The following EBPL variants were observed in gnomAD, a reference collection of about 807,000 sequenced individuals.
EBPL encodes the protein EBP like, also known as emopamil-binding protein-like.
EBPL carries 20 observed loss-of-function variants against 19.0 expected under a neutral mutation model. The observed-to-expected ratio is 1.05, with a 90% CI of 0.74 to 1.53. EBPL has a LOEUF of 1.53. EBPL is among the 40% of genes most tolerant of loss of function. The pLI is 0.00. For synonymous variants in EBPL, 107 were observed against 117.0 expected, an observed-to-expected ratio of 0.91 and a Z score of 0.55; for missense variants, 219 against 261.1, an observed-to-expected ratio of 0.84 and a Z score of 1.11.
intron 1 of EBPL, among the ~76,000 whole-genome samples, chr13:49,683,542 CAAACA>C (rs200020389): frequency 0.028 from 3,135 of 111,272 alleles, 45 homozygotes; most frequent in South Asian, 0.036. Flanking sequence ...AACAAACAAA[CAAACA>C]AAAAAAACAA....
intron 2 of EBPL, among the ~76,000 whole-genome samples, chr13:49,666,275 C>G (rs1965226135): frequency 6.6e-6 from 1 of 152,190 alleles, no homozygotes; most frequent in South Asian, 2.1e-4. Context: ...CATTTGTCCC[C>G]TCCAAATCTG....
At chr13:49,663,830 CAGG>C (rs1372427099) in intron 2 of EBPL, among the ~76,000 whole-genome samples, 1 of 151,550 alleles carries the variant, frequency 6.6e-6, no homozygotes, top group African/African-American at 2.4e-5. Flanking sequence ...CCAGCTGAGG[CAGG>C]AGAATGGCAT....
At chr13:49,688,625 A>G (rs896793656) in intron 1 of EBPL, among the ~76,000 whole-genome samples, 1 of 149,960 alleles carries the variant, frequency 6.7e-6, no homozygotes, top group Non-Finnish European at 1.5e-5. Context: ...AGGCTGAGGC[A>G]GGAGAATGGC....
chr13:49,673,492 C>A (rs1169449600), intron 1 of EBPL, among the ~76,000 whole-genome samples: 1 of 152,180 alleles, frequency 6.6e-6, no homozygotes, highest in Non-Finnish European at 1.5e-5. Flanking sequence ...GGCAGGAGTG[C>A]AGTGGCTCGA....
chr13:49,679,025 T>C (rs1387663644), intron 1 of EBPL, among the ~76,000 whole-genome samples: 2 of 46,958 alleles, frequency 4.3e-5, no homozygotes, highest in Admixed American at 4.0e-4. Context: ...AAAAAGACTA[T>C]TCAGGGGCTT....
intron 3 of EBPL, among the ~76,000 whole-genome samples, chr13:49,661,416 C>G (rs544508082): frequency 6.6e-6 from 1 of 152,334 alleles, no homozygotes; most frequent in South Asian, 2.1e-4. Context: ...AGGAGCAACA[C>G]TGCCCTTTCT....
At chr13:49,691,082 A>G (rs1954058057) in intron 1 of EBPL, among the ~76,000 whole-genome samples, 172 bp downstream of exon 1, 1 of 152,352 alleles carries the variant, frequency 6.6e-6, no homozygotes, top group South Asian at 2.1e-4. Flanking sequence ...CCTGGGAATC[A>G]GAACTCCGGC....
At chr13:49,691,187 C>T (rs1954059663) in intron 1 of EBPL, 67 bp downstream of exon 1, 2 of 1,244,712 alleles carry the variant, frequency 1.6e-6, no homozygotes, top group South Asian at 3.6e-5. Flanking sequence ...ACCCCCTCAC[C>T]CCGCCTTGCC....
At chr13:49,686,595 C>T (rs921644582) in intron 1 of EBPL, 12 of 1,289,504 alleles carry the variant, frequency 9.3e-6, no homozygotes, top group Non-Finnish European at 1.2e-5. Context: ...CCCACTCTCT[C>T]CTAGGATAGA....
At chr13:49,681,999 T>C (rs1447830600) in intron 1 of EBPL, among the ~76,000 whole-genome samples, 1 of 152,232 alleles carries the variant, frequency 6.6e-6, no homozygotes, top group Non-Finnish European at 1.5e-5. Flanking sequence ...GATTTTTGCA[T>C]GTCATGACAA....
intron 1 of EBPL, among the ~76,000 whole-genome samples, chr13:49,676,007 T>A (rs1328496735): frequency 6.6e-6 from 1 of 152,204 alleles, no homozygotes; most frequent in East Asian, 1.9e-4. Context: ...TTGAGCTCTT[T>A]GGAGGAATTT....
At chr13:49,691,188 C>T (rs1954059691) in intron 1 of EBPL, 66 bp downstream of exon 1, 1 of 1,246,448 alleles carries the variant, frequency 8.0e-7, no homozygotes, top group Non-Finnish European at 1.0e-6. Flanking sequence ...CCCCCTCACC[C>T]CGCCTTGCCG....
At chr13:49,672,831 G>A (rs920026822) in intron 1 of EBPL, among the ~76,000 whole-genome samples, 13 of 152,156 alleles carry the variant, frequency 8.5e-5, no homozygotes, top group African/African-American at 1.9e-4. Context: ...AGGCCTGGGC[G>A]GGCGAATCAC....
At chr13:49,679,203 T>G (rs1953916265) in intron 1 of EBPL, among the ~76,000 whole-genome samples, 1 of 152,172 alleles carries the variant, frequency 6.6e-6, no homozygotes, top group Non-Finnish European at 1.5e-5. Flanking sequence ...GTACAGTACT[T>G]TCTTTCTTCT....
chr13:49,690,970 G>A (rs1824789060), intron 1 of EBPL, among the ~76,000 whole-genome samples: 1 of 152,178 alleles, frequency 6.6e-6, no homozygotes, highest in South Asian at 2.1e-4. Flanking sequence ...ACAAAGCCGA[G>A]GAAGCTGAGG....
At chr13:49,670,707 C>T (rs751707603) in intron 1 of EBPL, among the ~76,000 whole-genome samples, 6 of 152,190 alleles carry the variant, frequency 3.9e-5, no homozygotes, top group Non-Finnish European at 8.8e-5. Flanking sequence ...CTTCCTCTCC[C>T]GTTTCCAGTC....
chr13:49,686,430 C>T (rs1035506338), intron 1 of EBPL: 48 of 1,265,440 alleles, frequency 3.8e-5, no homozygotes, highest in Middle Eastern at 6.7e-4. Context: ...TCCCTCCCAT[C>T]AATCCCACTC....
At chr13:49,674,587 C>A (rs376412746) in intron 1 of EBPL, among the ~76,000 whole-genome samples, 3 of 139,658 alleles carry the variant, frequency 2.1e-5, no homozygotes, top group Non-Finnish European at 4.6e-5. Context: ...AATGAATGGG[C>A]TTTTTTTTTT....
intron 2 of EBPL, among the ~76,000 whole-genome samples, chr13:49,665,131 GAGA>G (rs1965208382): frequency 7.0e-5 from 6 of 85,630 alleles, no homozygotes; most frequent in South Asian, 4.0e-4. Context: ...TTTTTTTTTT[GAGA>G]AGGAGTCTCA....
Sources: allele counts gnomAD v4.1 joint callset (sites outside exome capture counted in the v4.1 genomes callset), GRCh38; gene constraint gnomAD v4.1.1; transcripts MANE v1.5; gene names NCBI Gene and HGNC (gene_info 2026-07-23, HGNC 2026-07-21).